The following FCHSD2 variants were observed in gnomAD, a reference collection of about 807,000 sequenced individuals.
The protein encoded by FCHSD2 is FCH and double SH3 domains 2, also known as F-BAR and double SH3 domains protein 2.
In FCHSD2, 38 loss-of-function variants were observed where a neutral mutation model predicts 108.1. The observed-to-expected ratio is 0.35, with a 90% CI of 0.27 to 0.46. The LOEUF (loss-of-function observed/expected upper bound fraction) is 0.46, where lower values mean the gene tolerates loss of function less well. FCHSD2 is among the 20% of genes least tolerant of loss of function. The pLI is 1.00. For missense variants in FCHSD2, 751 were observed against 897.8 expected (o/e 0.84, Z 2.09); for synonymous variants, 279 against 314.7 (o/e 0.89, Z 1.20).
intron 2 of FCHSD2, among the ~76,000 whole-genome samples, chr11:73,112,945 C>T (rs1467689454): frequency 2.0e-5 from 3 of 152,210 alleles, no homozygotes; most frequent in Non-Finnish European, 4.4e-5. Context: ...GGATTACAGG[C>T]ATGAGCCACT....
At chr11:72,859,076 T>C (rs2135186782) in intron 13 of FCHSD2, among the ~76,000 whole-genome samples, 1 of 152,316 alleles carries the variant, frequency 6.6e-6, no homozygotes, top group East Asian at 1.9e-4. Flanking sequence ...ACTGGGAATT[T>C]AGTAAAGCCA....
intron 9 of FCHSD2, among the ~76,000 whole-genome samples, chr11:72,917,649 G>A (rs1359446677): frequency 6.6e-6 from 1 of 152,202 alleles, no homozygotes; most frequent in Non-Finnish European, 1.5e-5. Flanking sequence ...ACTTTGGGAG[G>A]CCAAGGCAGG....
chr11:72,866,047 C>T (rs1267926830), intron 13 of FCHSD2, among the ~76,000 whole-genome samples: 1 of 152,064 alleles, frequency 6.6e-6, no homozygotes, highest in South Asian at 2.1e-4. Context: ...TATGGCCCCT[C>T]AATTGATTTG....
intron 2 of FCHSD2, among the ~76,000 whole-genome samples, chr11:73,119,277 T>G (rs1860676569): frequency 6.6e-6 from 1 of 150,672 alleles, no homozygotes; most frequent in African/African-American, 2.5e-5. Context: ...CATTCCAGCC[T>G]GCACAACAGA....
intron 2 of FCHSD2, among the ~76,000 whole-genome samples, chr11:73,095,975 C>A (rs994394526): frequency 6.7e-6 from 1 of 149,458 alleles, no homozygotes; most frequent in African/African-American, 2.5e-5. Flanking sequence ...TTGAAAGACA[C>A]AACCCTGAGC....
chr11:73,036,401 A>G (rs1390025870), intron 3 of FCHSD2, among the ~76,000 whole-genome samples: 1 of 152,116 alleles, frequency 6.6e-6, no homozygotes, highest in East Asian at 1.9e-4. Context: ...TTGGAGTCAA[A>G]TAAATGTGGG....
Position 72,843,541 on chromosome 11 carries a change from T to C in FCHSD2, c.1444-9A>G. 1 of 1,608,488 alleles carries C rather than the reference T, an allele frequency of 6.2e-7. No homozygotes were observed. Among genetic ancestry groups the C allele is most frequent in the Non-Finnish European group, 8.5e-7 (1 of 1,174,932 alleles). ...TCATCTGGTTGAGAAGCCTGCAGTG[T>C]AGGATGGTCATGGACAAAATTAAAA... On this transcript the variant is annotated splice_polypyrimidine_tract_variant and intron_variant, in intron 14 of 19. Coordinates refer to ENST00000409418, the MANE Select transcript of FCHSD2 (RefSeq NM_014824.3).
chr11:72,867,767 T>C (rs549474438), intron 13 of FCHSD2, 98 bp downstream of exon 13: 25 of 1,015,668 alleles, frequency 2.5e-5, no homozygotes, highest in Non-Finnish European at 3.4e-5. Context: ...CAAACTATTA[T>C]CTTTTTAAAA....
chr11:73,051,993 A>G (rs937876976), intron 3 of FCHSD2, among the ~76,000 whole-genome samples: 1 of 152,122 alleles, frequency 6.6e-6, no homozygotes, highest in African/African-American at 2.4e-5. Flanking sequence ...TGCAATAAAG[A>G]ACCAATTTCC....
At chr11:73,095,194 T>C (rs1240903918) in intron 2 of FCHSD2, among the ~76,000 whole-genome samples, 1 of 152,180 alleles carries the variant, frequency 6.6e-6, no homozygotes, top group Non-Finnish European at 1.5e-5. Flanking sequence ...TGTGCTTCAG[T>C]TTCCTATCAA....
chr11:72,962,296 C>T (rs566634366), intron 8 of FCHSD2, among the ~76,000 whole-genome samples: 57 of 152,316 alleles, frequency 3.7e-4, no homozygotes, highest in Non-Finnish European at 4.4e-4. Flanking sequence ...GATGCAATCG[C>T]TCTGACAGCT....
intron 9 of FCHSD2, among the ~76,000 whole-genome samples, chr11:72,917,093 T>A (rs1373412857): frequency 6.6e-6 from 1 of 151,508 alleles, no homozygotes; most frequent in Non-Finnish European, 1.5e-5. Flanking sequence ...CAAGCGATTC[T>A]CCTGCCTCAG....
chr11:73,092,598 T>C (rs956231954), intron 2 of FCHSD2, among the ~76,000 whole-genome samples: 3 of 152,180 alleles, frequency 2.0e-5, no homozygotes, highest in African/African-American at 7.2e-5. Flanking sequence ...GTTTGCTGAA[T>C]GAATGACTGA....
chr11:72,888,954 T>C (rs1043123999), intron 11 of FCHSD2, among the ~76,000 whole-genome samples: 1 of 146,778 alleles, frequency 6.8e-6, no homozygotes, highest in Admixed American at 6.8e-5. Context: ...TATAATTGTG[T>C]CTTTCTTTTT....
intron 13 of FCHSD2, among the ~76,000 whole-genome samples, chr11:72,856,103 C>A (rs545982504): frequency 6.6e-6 from 1 of 152,250 alleles, no homozygotes; most frequent in East Asian, 1.9e-4. Context: ...CATAGGAGAG[C>A]CATTACATTA....
At chr11:72,917,261 G>A (rs1855893117) in intron 9 of FCHSD2, among the ~76,000 whole-genome samples, 1 of 152,162 alleles carries the variant, frequency 6.6e-6, no homozygotes, top group Non-Finnish European at 1.5e-5. Context: ...GGGATTACAG[G>A]CGTGAGCCAT....
chr11:73,076,766 A>G (rs141731801), intron 3 of FCHSD2, among the ~76,000 whole-genome samples: 211 of 152,314 alleles, frequency 1.4e-3, no homozygotes, highest in South Asian at 2.7e-3. Flanking sequence ...TAAATGAACA[A>G]ATTTTGTAAT....
intron 3 of FCHSD2, among the ~76,000 whole-genome samples, chr11:73,034,632 G>C (rs987657974): frequency 1.3e-5 from 2 of 152,152 alleles, no homozygotes; most frequent in African/African-American, 4.8e-5. Context: ...GAAAAAGTCA[G>C]TCAAAGTAAG....
intron 8 of FCHSD2, among the ~76,000 whole-genome samples, chr11:72,983,343 C>A (rs1362938534): frequency 6.6e-6 from 1 of 151,350 alleles, no homozygotes; most frequent in Non-Finnish European, 1.5e-5. Flanking sequence ...TGGTAGCATG[C>A]ACCTGGATCC....
Sources: allele counts gnomAD v4.1 joint callset (sites outside exome capture counted in the v4.1 genomes callset), GRCh38; gene constraint gnomAD v4.1.1; transcripts MANE v1.5; gene names NCBI Gene and HGNC (gene_info 2026-07-23, HGNC 2026-07-21).